GPD2: variants seen among roughly 807,000 people sequenced by gnomAD.
GPD2 encodes the protein glycerol-3-phosphate dehydrogenase, mitochondrial.
In GPD2, 54 loss-of-function variants were observed where a neutral mutation model predicts 82.4. The observed-to-expected ratio is 0.66, with a 90% CI of 0.53 to 0.82. The LOEUF (loss-of-function observed/expected upper bound fraction) is 0.82. Ranked by LOEUF, GPD2 falls within the 40% of genes least tolerant of loss-of-function variation. The probability of loss-of-function intolerance (pLI) is 0.00; values close to 1 mark genes in which losing one functional copy is unlikely to be tolerated. For synonymous variants in GPD2, 288 were observed against 306.1 expected (o/e 0.94, Z 0.62); for missense variants, 748 against 896.2 (o/e 0.83, Z 2.11).
chr2:156,579,809 A>G (rs1687962744), intron 16 of GPD2, 21 bp downstream of exon 16: 2 of 1,119,826 alleles, frequency 1.8e-6, no homozygotes, highest in Non-Finnish European at 2.7e-6. Context: ...GTGAAAGGAA[A>G]CAAGGATATT....
chr2:156,481,655 T>TC (rs1197462174), intron 2 of GPD2, among the ~76,000 whole-genome samples: 4 of 152,016 alleles, frequency 2.6e-5, no homozygotes, highest in Non-Finnish European at 5.9e-5. Context: ...TTTCTTTTTT[T>TC]TTTTTTTAAA....
At chr2:156,440,742 T>A (rs115709633) in intron 1 of GPD2, among the ~76,000 whole-genome samples, 34 of 152,312 alleles carry the variant, frequency 2.2e-4, no homozygotes, top group African/African-American at 7.5e-4. Flanking sequence ...GTGGGAAAAA[T>A]TGGTTAATAG....
chr2:156,444,652 G>A (rs1256875658), intron 1 of GPD2, among the ~76,000 whole-genome samples: 1 of 152,114 alleles, frequency 6.6e-6, no homozygotes, highest in Non-Finnish European at 1.5e-5. Flanking sequence ...GGTGGAGGTT[G>A]CAGTGAGCGG....
chr2:156,569,306 A>G lies in GPD2; in HGVS notation c.1301-57A>G, dbSNP rs79940580. The G allele has an allele frequency of 8.9e-3, 10,415 of 1,166,508 alleles. 73 individuals carry two copies. Among genetic ancestry groups the G allele is most frequent in the Non-Finnish European group, 0.011 (8,700 of 773,374 alleles). 72.3% of individuals were successfully genotyped at this position (1,166,508 alleles called of 1,614,324 possible). On this transcript the variant is annotated intron_variant, in intron 10 of 16. Coordinates refer to ENST00000438166, the MANE Select transcript of GPD2 (RefSeq NM_000408.5). ...TTATTGGTAAGTTGATAAATGGTTA[A>G]TTATAAGAAAAATAAGGGGTGGCAA...
At chr2:156,461,409 G>A in intron 1 of GPD2, among the ~76,000 whole-genome samples, 1 of 152,044 alleles carries the variant, frequency 6.6e-6, no homozygotes, top group Non-Finnish European at 1.5e-5. Flanking sequence ...TTGTTTTTGA[G>A]ACAGGGTCTC....
intron 13 of GPD2, among the ~76,000 whole-genome samples, chr2:156,575,243 A>G (rs9288604): frequency 0.27 from 40,389 of 151,918 alleles, 5,481 homozygotes; most frequent in South Asian, 0.32. Context: ...TGCAACCTAG[A>G]AACTAATGGT....
the GPD2 span, among the ~76,000 whole-genome samples, chr2:156,410,431 A>C: frequency 2.5e-3 from 380 of 152,368 alleles, 4 homozygotes; most frequent in African/African-American, 8.7e-3. Flanking sequence ...TTTCACATTC[A>C]ATCCTATAAA....
intron 13 of GPD2, among the ~76,000 whole-genome samples, chr2:156,573,872 G>A (rs1012153206): frequency 6.6e-6 from 1 of 152,106 alleles, no homozygotes; most frequent in African/African-American, 2.4e-5. Context: ...TATTTAACCT[G>A]CAAAAGTGAA....
intron 1 of GPD2, among the ~76,000 whole-genome samples, chr2:156,438,876 A>G (rs911976918): frequency 2.0e-5 from 3 of 152,250 alleles, no homozygotes; most frequent in Non-Finnish European, 4.4e-5. Flanking sequence ...TTGGAGACCA[A>G]CATAAGACCT....
At chr2:156,560,561 A>G (rs948499967) in intron 9 of GPD2, among the ~76,000 whole-genome samples, 17 of 152,116 alleles carry the variant, frequency 1.1e-4, no homozygotes, top group African/African-American at 4.1e-4. Flanking sequence ...CAACTTTTCT[A>G]CTTATAAACT....
chr2:156,490,770 A>T (rs918811796), intron 2 of GPD2, among the ~76,000 whole-genome samples: 8 of 152,232 alleles, frequency 5.3e-5, no homozygotes, highest in African/African-American at 1.7e-4. Context: ...TGAAGATCTT[A>T]GTAGTACCTA....
At position 156,571,230 on chromosome 2, in the gene GPD2, G is replaced by A. The variant is rs1687603709; in HGVS notation, c.1705G>A (p.Ala569Thr). 6.2e-7 allele frequency: 1 copy of A among 1,612,550 alleles called. No homozygotes were observed. Among genetic ancestry groups the A allele is most frequent in the Non-Finnish European group, 8.5e-7 (1 of 1,178,774 alleles). Residue 569 changes from alanine to threonine, a missense_variant, in exon 13 of 17, where the codon GCC becomes ACC. Around this residue, in one of 3 missense-constraint regions of GPD2, gnomAD observed 692 missense variants for 809.7 expected, o/e 0.85. Transcript: ENST00000438166. ...AFLNVQAAEE[A>T]LPRIVELMGR... Reference sequence around the variant, plus strand: ...TCTAAATGTCCAGGCAGCAGAGGAAGCCCTACCCAGGATTGTTGAACTGAT... The same window carrying A: ...TCTAAATGTCCAGGCAGCAGAGGAAACCCTACCCAGGATTGTTGAACTGAT...
Position 156,496,047 on chromosome 2 carries a change from A to G in GPD2, c.106A>G (p.Asn36Asp), listed in dbSNP as rs1426457903. 6.2e-7 allele frequency: 1 copy of G among 1,611,042 alleles called. No homozygotes were observed. Among genetic ancestry groups the G allele is most frequent in the Non-Finnish European group, 8.5e-7 (1 of 1,177,786 alleles). ...AAGTGATCTGCTTTTACATCAGATG[A>G]ACCTGGCCTATGTTAAAGCAGCAGA... Reference protein sequence around the residue: ...QFAHYRRKQMNLAYVKAADCI... With the variant: ...QFAHYRRKQMDLAYVKAADCI... Residue 36 changes from asparagine to aspartate, a missense_variant, in exon 3 of 17, where the codon AAC becomes GAC. Coordinates refer to ENST00000438166, the MANE Select transcript of GPD2 (RefSeq NM_000408.5).
intron 16 of GPD2, among the ~76,000 whole-genome samples, chr2:156,581,691 T>C (rs141442040): frequency 2.1e-3 from 313 of 152,244 alleles, no homozygotes; most frequent in African/African-American, 7.3e-3. Context: ...ACTATAGATA[T>C]CTCATGGTTA....
the GPD2 span, among the ~76,000 whole-genome samples, chr2:156,400,786 G>A: frequency 1.3e-5 from 2 of 152,342 alleles, no homozygotes; most frequent in East Asian, 1.9e-4. Context: ...TAGCTCAGTG[G>A]TAGAGCGCGC....
chr2:156,473,306 G>A (rs1456145876), intron 1 of GPD2, among the ~76,000 whole-genome samples: 1 of 152,150 alleles, frequency 6.6e-6, no homozygotes, highest in East Asian at 1.9e-4. Flanking sequence ...TTGGGAAAAT[G>A]CATGAAAATA....
At position 156,496,042 on chromosome 2, in the gene GPD2, A is replaced by C; in HGVS notation, c.103-2A>C. 6.2e-7 allele frequency: 1 copy of C among 1,609,736 alleles called. No homozygotes were observed. Among genetic ancestry groups the C allele is most frequent in the Non-Finnish European group, 8.5e-7 (1 of 1,176,716 alleles). Reference sequence around the variant, plus strand: ...ACTGAAAGTGATCTGCTTTTACATCAGATGAACCTGGCCTATGTTAAAGCA... The same window carrying C: ...ACTGAAAGTGATCTGCTTTTACATCCGATGAACCTGGCCTATGTTAAAGCA... On this transcript the variant is annotated splice_acceptor_variant, in intron 2 of 16. Transcript: ENST00000438166. LOFTEE classifies it high-confidence loss of function.
intron 6 of GPD2, among the ~76,000 whole-genome samples, chr2:156,523,687 T>A (rs1685500761): frequency 6.7e-6 from 1 of 149,222 alleles, no homozygotes; most frequent in Non-Finnish European, 1.5e-5. Flanking sequence ...GATAGATAGA[T>A]AGATAGATAG....
chr2:156,476,357 C>T (rs1405533491), intron 2 of GPD2, 150 bp downstream of exon 2: 1 of 665,226 alleles, frequency 1.5e-6, no homozygotes, highest in Non-Finnish European at 2.8e-6. Flanking sequence ...AGAACAGTGC[C>T]TTAATGATCC....
Sources: gnomAD v4.1 joint callset for allele counts (sites outside exome capture counted in the v4.1 genomes callset) on GRCh38, gnomAD v4.1.1 for gene constraint, gnomAD v4.1.1 regional missense constraint, MANE v1.5 for transcripts, NCBI Gene and HGNC (gene_info 2026-07-23, HGNC 2026-07-21) for gene names.